The following TMEM232 variants were observed in gnomAD, a reference collection of about 807,000 sequenced individuals.
The protein encoded by TMEM232 is transmembrane protein 232.
TMEM232 carries 80 observed loss-of-function variants against 78.8 expected under a neutral mutation model. The observed-to-expected ratio is 1.01, with a 90% CI of 0.85 to 1.22. The LOEUF is 1.22. TMEM232 is among the 50% of genes most tolerant of loss of function. TMEM232 has a pLI of 0.00. For missense variants in TMEM232, 881 were observed against 742.2 expected, an observed-to-expected ratio of 1.19 and a Z score of -2.17; for synonymous variants, 297 against 254.3, an observed-to-expected ratio of 1.17 and a Z score of -1.60.
chr5:110,556,636 C>A lies in TMEM232; in HGVS notation c.1455+11811G>T, dbSNP rs544813631. Among the ~76,000 whole-genome samples, 3 of 152,230 alleles carry A rather than the reference C, an allele frequency of 2.0e-5. No homozygotes were observed. The South Asian group carries it at 6.2e-4, about 32-fold the overall frequency. On this transcript the variant is annotated intron_variant, in intron 11 of 13. Coordinates refer to ENST00000455884, the MANE Select transcript of TMEM232 (RefSeq NM_001039763.4). Reference sequence around the variant, plus strand: ...ACTCGAGCTCCGGTGATCCACCCAACTCAGCCTCCCACAGTGCTGGGATTA... The same window carrying A: ...ACTCGAGCTCCGGTGATCCACCCAAATCAGCCTCCCACAGTGCTGGGATTA...
intron 1 of TMEM232, among the ~76,000 whole-genome samples, chr5:110,715,812 C>G (rs1158015150): frequency 6.6e-6 from 1 of 152,122 alleles, no homozygotes; most frequent in African/African-American, 2.4e-5. Flanking sequence ...AACATCAACA[C>G]AGACCTTAAG....
chr5:110,464,885 C>G (rs1403503233), intron 12 of TMEM232, among the ~76,000 whole-genome samples: 2 of 152,144 alleles, frequency 1.3e-5, no homozygotes, highest in Non-Finnish European at 2.9e-5. Flanking sequence ...TGCTATAGTT[C>G]ACTAAACTGC....
chr5:110,558,800 G>A (rs972740594), intron 11 of TMEM232, among the ~76,000 whole-genome samples: 2 of 152,150 alleles, frequency 1.3e-5, no homozygotes, highest in African/African-American at 2.4e-5. Flanking sequence ...CAGCTCAAAT[G>A]TCCGTGGGGA....
chr5:110,667,611 A>C (rs1790762030), intron 1 of TMEM232: 1 of 216,296 alleles, frequency 4.6e-6, no homozygotes, highest in South Asian at 1.1e-4. Context: ...TATCAGCAAA[A>C]CCATTGAAAC....
At position 110,574,433 on chromosome 5, in the gene TMEM232, T is replaced by C. The variant is rs139339926; in HGVS notation, c.1277-5808A>G. ...GGCCTTTGTCCTTGGCTCTGGGCAG[T>C]AATCTCATAGGCCTTGGAATGTCCT... On this transcript the variant is annotated intron_variant, in intron 10 of 13. Transcript: ENST00000455884. Among the ~76,000 whole-genome samples the C allele has an allele frequency of 5.2e-3, 792 of 152,244 alleles. 7 individuals carry two copies. The highest frequency in any genetic ancestry group is 0.018 in the African/African-American group (759 of 41,580).
chr5:110,643,070 A>G (rs953031556), intron 2 of TMEM232, among the ~76,000 whole-genome samples: 4 of 152,010 alleles, frequency 2.6e-5, no homozygotes, highest in Non-Finnish European at 5.9e-5. Context: ...AAGAGTTTGG[A>G]TAATGGATAT....
intron 12 of TMEM232, among the ~76,000 whole-genome samples, chr5:110,450,844 G>C (rs1169544447): frequency 1.3e-5 from 2 of 152,154 alleles, no homozygotes; most frequent in Admixed American, 6.5e-5. Context: ...CTCATCAAAA[G>C]AGTTAAGTGT....
At chr5:110,450,556 C>T (rs1175022666) in intron 12 of TMEM232, among the ~76,000 whole-genome samples, 1 of 152,082 alleles carries the variant, frequency 6.6e-6, no homozygotes, top group Non-Finnish European at 1.5e-5. Flanking sequence ...GCAGGTTTAG[C>T]ACGAATGCAG....
chr5:110,581,325 A>C (rs1778187153), intron 10 of TMEM232, among the ~76,000 whole-genome samples: 1 of 151,982 alleles, frequency 6.6e-6, no homozygotes. Flanking sequence ...AGACACACAG[A>C]TCAGTGGAAC....
intron 3 of TMEM232, among the ~76,000 whole-genome samples, chr5:110,395,452 C>G (rs1467455907): frequency 6.6e-6 from 1 of 152,118 alleles, no homozygotes; most frequent in African/African-American, 2.4e-5. Flanking sequence ...TTCTTCTTAC[C>G]TGTGATAAAT....
intron 1 of TMEM232, among the ~76,000 whole-genome samples, chr5:110,673,963 G>T (rs1580613445): frequency 8.2e-6 from 1 of 121,490 alleles, no homozygotes; most frequent in Admixed American, 9.6e-5. Context: ...ACTGAAACTT[G>T]TTAAGATCAA....
intron 1 of TMEM232, among the ~76,000 whole-genome samples, chr5:110,696,822 T>C (rs1200367821): frequency 6.6e-6 from 1 of 151,978 alleles, no homozygotes; most frequent in Non-Finnish European, 1.5e-5. Flanking sequence ...GGAAGAACAT[T>C]CCATGCTCAT....
At chr5:110,446,969 T>C (rs1344720430) in intron 12 of TMEM232, among the ~76,000 whole-genome samples, 1 of 151,932 alleles carries the variant, frequency 6.6e-6, no homozygotes, top group Admixed American at 6.6e-5. Context: ...TAAAATGGAA[T>C]TGAGGACCCT....
chr5:110,477,642 C>T (rs951184771), intron 12 of TMEM232, among the ~76,000 whole-genome samples: 1 of 151,772 alleles, frequency 6.6e-6, no homozygotes, highest in Non-Finnish European at 1.5e-5. Flanking sequence ...CCTCTATTCC[C>T]CACACCTCCA....
chr5:110,470,556 A>G (rs1382539689), intron 12 of TMEM232, among the ~76,000 whole-genome samples: 3 of 152,154 alleles, frequency 2.0e-5, no homozygotes, highest in Admixed American at 2.0e-4. Context: ...AAAAAATAAG[A>G]GGACGATATA....
intron 8 of TMEM232, among the ~76,000 whole-genome samples, chr5:110,609,646 T>C (rs1781944494): frequency 6.6e-6 from 1 of 152,010 alleles, no homozygotes; most frequent in South Asian, 2.1e-4. Context: ...CAGAAGTGCA[T>C]TTTTTCCTCA....
chr5:110,675,013 CTATTTATTTATTTATTTATTTATT>C (rs34606644), intron 1 of TMEM232, among the ~76,000 whole-genome samples: 124,100 of 149,720 alleles, frequency 0.83, 51,678 homozygotes, highest in East Asian at 0.93. Flanking sequence ...TGTTATTATT[CTATTTATTTATTTATTTATTTATT>C]TATTTATTTA....
At chr5:110,605,456 AC>A in intron 9 of TMEM232, 98 bp from the exon 10 acceptor site, 2 of 1,336,424 alleles carry the variant, frequency 1.5e-6, no homozygotes, top group Non-Finnish European at 2.0e-6. Context: ...ACCATAATAA[AC>A]TAATATATCT....
chr5:110,613,978 A>T (rs1251819634), intron 8 of TMEM232, among the ~76,000 whole-genome samples: 1 of 152,082 alleles, frequency 6.6e-6, no homozygotes, highest in African/African-American at 2.4e-5. Flanking sequence ...TTTAATGTCA[A>T]TAGTTTTTGT....
Sources: allele counts gnomAD v4.1 joint callset (sites outside exome capture counted in the v4.1 genomes callset), GRCh38; gene constraint gnomAD v4.1.1; transcripts MANE v1.5; gene names NCBI Gene and HGNC (gene_info 2026-07-23, HGNC 2026-07-21).